NETO2: variants seen among roughly 807,000 people sequenced by gnomAD.
The protein encoded by NETO2 is neuropilin and tolloid like 2.
NETO2 carries 28 observed loss-of-function variants against 62.5 expected under a neutral mutation model. The observed-to-expected ratio is 0.45, with a 90% CI of 0.33 to 0.61. NETO2 has a LOEUF of 0.61. Ranked by LOEUF, NETO2 falls within the 20% of genes least tolerant of loss-of-function variation. The probability of loss-of-function intolerance (pLI) is 0.02; values close to 1 mark genes in which losing one functional copy is unlikely to be tolerated. For synonymous variants in NETO2, 214 were observed against 219.1 expected, an observed-to-expected ratio of 0.98 and a Z score of 0.21; for missense variants, 548 against 643.2, an observed-to-expected ratio of 0.85 and a Z score of 1.60.
At position 47,079,240 on chromosome 16, in the gene NETO2, C is replaced by T; in HGVS notation, c.*3981G>A. On this transcript the variant is annotated 3_prime_UTR_variant, in exon 9 of 9. Transcript: ENST00000562435. ...AGCTTGCAGTGAGCCGAGATCACGCCACTGCACTCTAGCCTGGGTGACAGA... is the reference window on the plus strand; with the variant it reads ...AGCTTGCAGTGAGCCGAGATCACGCTACTGCACTCTAGCCTGGGTGACAGA... 1 of 150,570 alleles carries T rather than the reference C, an allele frequency of 6.6e-6. No homozygotes were observed. The highest frequency in any genetic ancestry group is 1.5e-5 in the Non-Finnish European group (1 of 67,906). The allele number at this position is 150,570 out of a possible 1,614,324, so 9.3% of individuals were successfully genotyped here. A position where few individuals can be genotyped will look rare whatever the true frequency, so the allele number is the denominator to read the frequency against.
rs1343065952 is a variant in NETO2, at chr16:47,081,125, G to A, written c.*2096C>T. 4.1e-4 allele frequency: 63 copies of A among 152,042 alleles called. No individual in the cohort carries two copies. The allele number at this position is 152,042 out of a possible 1,614,324, so 9.4% of individuals were successfully genotyped here. On this transcript the variant is annotated 3_prime_UTR_variant, in exon 9 of 9. Transcript: ENST00000562435. ...ACAAGTGACTATAGTTTAGCATACT[G>A]TATTATTTGCTATTATAATCTAAAG... is the stretch of plus-strand genomic sequence containing the variant.
chr16:47,119,155 T>C (rs1057083840), intron 6 of NETO2, among the ~76,000 whole-genome samples: 1 of 151,262 alleles, frequency 6.6e-6, no homozygotes, highest in African/African-American at 2.4e-5. Context: ...TTTTTCTTTT[T>C]CTTTTTTTTT....
At chr16:47,113,626 T>C (rs1963848311) in intron 6 of NETO2, among the ~76,000 whole-genome samples, 1 of 149,298 alleles carries the variant, frequency 6.7e-6, no homozygotes, top group South Asian at 2.2e-4. Context: ...GTTTTTGCTC[T>C]TGTCGCCCAG....
In NETO2 at chr16:47,094,193, C is replaced by T. The variant is rs373660022; in HGVS notation, c.884-7854G>A. Among the ~76,000 whole-genome samples, 19 of 148,694 alleles carry T rather than the reference C, an allele frequency of 1.3e-4. No homozygotes were observed. The East Asian group carries it at 3.7e-3, about 29-fold the overall frequency. ...TGGAAAGCAGATTTTGCCAAAGCTA[C>T]TGGTAATATGATCTGCACTTATGAT... On this transcript the variant is annotated intron_variant, in intron 7 of 8. Coordinates refer to ENST00000562435, the MANE Select transcript of NETO2 (RefSeq NM_018092.5).
At chr16:47,125,020 TTACATA>T in intron 4 of NETO2, among the ~76,000 whole-genome samples, 1 of 152,280 alleles carries the variant, frequency 6.6e-6, no homozygotes, top group Non-Finnish European at 1.5e-5. Flanking sequence ...GTAAGTATCT[TTACATA>T]TGAAGTTGGC....
At chr16:47,115,717 A>ATATATATATACG (rs1963902400) in intron 6 of NETO2, among the ~76,000 whole-genome samples, 3 of 126,672 alleles carry the variant, frequency 2.4e-5, no homozygotes, top group African/African-American at 1.2e-4. Flanking sequence ...ATATATACAT[A>ATATATATATACG]TATATATATA....
At chr16:47,105,452 A>G (rs1963653862) in intron 7 of NETO2, among the ~76,000 whole-genome samples, 1 of 152,224 alleles carries the variant, frequency 6.6e-6, no homozygotes, top group South Asian at 2.1e-4. Flanking sequence ...TTTCTTGGAT[A>G]TCACACCAAA....
chr16:47,105,481 C>T (rs1263173280), intron 7 of NETO2, among the ~76,000 whole-genome samples: 2 of 151,808 alleles, frequency 1.3e-5, no homozygotes, highest in Non-Finnish European at 2.9e-5. Flanking sequence ...CAAAAAAAAC[C>T]CACATTAATT....
intron 1 of NETO2, among the ~76,000 whole-genome samples, chr16:47,136,554 C>A (rs1315157399): frequency 6.6e-6 from 1 of 152,090 alleles, no homozygotes; most frequent in African/African-American, 2.4e-5. Context: ...TACAGGCATG[C>A]GCCACCACGG....
rs1355352981 is a variant in NETO2, at chr16:47,079,597, A to G, written c.*3624T>C. 6.6e-6 allele frequency: 1 copy of G among 152,442 alleles called. No homozygotes were observed. The highest frequency in any genetic ancestry group is 2.4e-5 in the African/African-American group (1 of 41,462). 9.4% of individuals were successfully genotyped at this position (152,442 alleles called of 1,614,324 possible). ...GCGACAGAGCGAGACTCCGTCTCAA[A>G]AAAGAAAAAAACCAGAGTACTGGGG... On this transcript the variant is annotated 3_prime_UTR_variant, in exon 9 of 9. Coordinates refer to ENST00000562435, the MANE Select transcript of NETO2 (RefSeq NM_018092.5).
intron 7 of NETO2, among the ~76,000 whole-genome samples, chr16:47,101,695 GAATAA>G (rs1963549142): frequency 6.6e-6 from 1 of 151,934 alleles, no homozygotes; most frequent in Non-Finnish European, 1.5e-5. Context: ...GCTACAAAGA[GAATAA>G]AATACCTAGG....
intron 1 of NETO2, among the ~76,000 whole-genome samples, chr16:47,138,162 G>C (rs987828849): frequency 2.6e-5 from 4 of 152,308 alleles, no homozygotes; most frequent in Admixed American, 6.5e-5. Flanking sequence ...AGCACTTTGC[G>C]AGGCTGAGGT....
At chr16:47,131,580 CAT>C (rs1414550262) in intron 2 of NETO2, among the ~76,000 whole-genome samples, 1 of 152,100 alleles carries the variant, frequency 6.6e-6, no homozygotes, top group African/African-American at 2.4e-5. Flanking sequence ...AATCATCAAA[CAT>C]AAATCAAGAC....
rs1304985351 is a variant in NETO2, at chr16:47,132,003, T to C, written c.57A>G (p.Val19=). The change falls in exon 2 of 9, where the codon GTA becomes GTG. Residue 19 remains valine (V), a synonymous_variant. Coordinates refer to ENST00000562435, the MANE Select transcript of NETO2 (RefSeq NM_018092.5). ...TTTGGGCCACGGCAATCCCTTCCAC[T>C]ACCAGTACTGTTATTAACAACACTA... ...VLKVLLITVL[V]VEGIAVAQKT... The C allele has an allele frequency of 1.2e-6, 2 of 1,612,516 alleles. No homozygotes were observed. Among genetic ancestry groups the C allele is most frequent in the Non-Finnish European group, 1.7e-6 (2 of 1,178,842 alleles).
intron 7 of NETO2, among the ~76,000 whole-genome samples, chr16:47,098,124 A>G (rs1963465979): frequency 6.6e-6 from 1 of 152,178 alleles, no homozygotes; most frequent in Non-Finnish European, 1.5e-5. Flanking sequence ...CTTCTCCTCC[A>G]AAGGATCACA....
rs560541875 is a variant in NETO2 at position 47,090,309 on chromosome 16, G to A, written c.884-3970C>T. Among the ~76,000 whole-genome samples the A allele has an allele frequency of 6.8e-4, 103 of 152,276 alleles. 1 individual carries two copies. The highest frequency in any genetic ancestry group is 2.4e-3 in the African/African-American group (98 of 41,546). ...GTCAGCTTTTGTTTCATAGAAATGTGAGTTATATTAATAATTACACCTACA... is the reference window on the plus strand; with the variant it reads ...GTCAGCTTTTGTTTCATAGAAATGTAAGTTATATTAATAATTACACCTACA... On this transcript the variant is annotated intron_variant, in intron 7 of 8. Coordinates refer to ENST00000562435, the MANE Select transcript of NETO2 (RefSeq NM_018092.5).
Position 47,102,633 on chromosome 16 carries a change from G to A in NETO2, c.883+6850C>T, listed in dbSNP as rs528237617. Among the ~76,000 whole-genome samples, 14 of 150,232 alleles carry A rather than the reference G, an allele frequency of 9.3e-5. No individual in the cohort carries two copies. In the East Asian group the frequency reaches 2.3e-3, roughly 25 times the overall value. On this transcript the variant is annotated intron_variant, in intron 7 of 8. Coordinates refer to ENST00000562435, the MANE Select transcript of NETO2 (RefSeq NM_018092.5). ...CAACCCCATCAAAAAGTGGGTGAAG[G>A]ATATGAACATATGCTTCTCAAAAGA... is the stretch of plus-strand genomic sequence containing the variant.
chr16:47,141,959 G>C (rs1361343765), intron 1 of NETO2, among the ~76,000 whole-genome samples: 1 of 152,134 alleles, frequency 6.6e-6, no homozygotes, highest in Non-Finnish European at 1.5e-5. Context: ...TATCCAGCTC[G>C]ATTTTATCAA....
chr16:47,112,757 A>T (rs1342132258), intron 6 of NETO2, among the ~76,000 whole-genome samples: 1 of 152,236 alleles, frequency 6.6e-6, no homozygotes, highest in African/African-American at 2.4e-5. Context: ...TTTTATTAAA[A>T]GCAATACAAC....
Sources: allele counts gnomAD v4.1 joint callset (sites outside exome capture counted in the v4.1 genomes callset), GRCh38; gene constraint gnomAD v4.1.1; transcripts MANE v1.5; gene names NCBI Gene and HGNC (gene_info 2026-07-23, HGNC 2026-07-21).